The following GMDS variants were observed in gnomAD, a reference collection of about 807,000 sequenced individuals.
GMDS encodes GDP-mannose 4,6 dehydratase.
A neutral mutation model predicts 49.9 loss-of-function variants in GMDS; 20 were observed. That is an observed-to-expected ratio of 0.40 (90% CI 0.28 to 0.58). GMDS has a LOEUF of 0.58. Among genes scored for constraint, GMDS ranks in the 20% least tolerant of loss-of-function variants. GMDS has a pLI of 0.42. For missense variants in GMDS, 362 were observed against 481.4 expected (o/e 0.75, Z 2.32); for synonymous variants, 177 against 178.6 (o/e 0.99, Z 0.07).
intron 4 of GMDS, among the ~76,000 whole-genome samples, chr6:2,103,520 C>T (rs1245680535): frequency 6.6e-6 from 1 of 152,072 alleles, no homozygotes; most frequent in Non-Finnish European, 1.5e-5. Flanking sequence ...TTTTCCTAAA[C>T]AATGTTAGCA....
At chr6:1,825,684 C>CTGTTTT (rs1771076690) in intron 7 of GMDS, among the ~76,000 whole-genome samples, 1 of 152,168 alleles carries the variant, frequency 6.6e-6, no homozygotes, top group Non-Finnish European at 1.5e-5. Context: ...CATTTCGAAA[C>CTGTTTT]AGTTTTACTG....
chr6:2,078,311 A>C (rs185362905), intron 4 of GMDS, among the ~76,000 whole-genome samples: 18 of 151,514 alleles, frequency 1.2e-4, no homozygotes, highest in Admixed American at 1.0e-3. Context: ...CTTTCTCCTA[A>C]TCTTGGATTT....
intron 6 of GMDS, among the ~76,000 whole-genome samples, chr6:1,943,655 T>G (rs997643471): frequency 2.6e-5 from 4 of 152,218 alleles, no homozygotes; most frequent in Admixed American, 1.3e-4. Flanking sequence ...CTGATACATT[T>G]ATTTTTCAAG....
chr6:2,128,310 G>C (rs1036217093), intron 1 of GMDS, among the ~76,000 whole-genome samples: 1 of 151,850 alleles, frequency 6.6e-6, no homozygotes, highest in Non-Finnish European at 1.5e-5. Context: ...GAGTAACTCA[G>C]ATTACAGGTG....
chr6:1,746,107 C>T (rs774563386), intron 7 of GMDS, among the ~76,000 whole-genome samples: 2 of 152,230 alleles, frequency 1.3e-5, no homozygotes, highest in Non-Finnish European at 2.9e-5. Flanking sequence ...TGTTCACATG[C>T]TGGACCACAT....
chr6:1,994,629 G>A (rs1766162372), intron 4 of GMDS, among the ~76,000 whole-genome samples: 2 of 152,004 alleles, frequency 1.3e-5, no homozygotes, highest in South Asian at 4.2e-4. Flanking sequence ...TCTGTTTACT[G>A]CACAATCAGA....
At chr6:1,788,104 A>C (rs920489279) in intron 7 of GMDS, among the ~76,000 whole-genome samples, 2 of 152,162 alleles carry the variant, frequency 1.3e-5, no homozygotes, top group African/African-American at 2.4e-5. Flanking sequence ...CAATGAGGAA[A>C]GGCTTGGCAA....
At chr6:1,863,588 G>C (rs78607956) in intron 7 of GMDS, among the ~76,000 whole-genome samples, 3,356 of 152,154 alleles carry the variant, frequency 0.022, 119 homozygotes, top group African/African-American at 0.077. Context: ...GTGAATAAAA[G>C]AGCAGTAATT....
intron 9 of GMDS, among the ~76,000 whole-genome samples, chr6:1,719,638 A>G (rs1447034645): frequency 6.6e-6 from 1 of 151,336 alleles, no homozygotes; most frequent in Non-Finnish European, 1.5e-5. Context: ...AAAAAAAGAG[A>G]GAGGGATTTT....
intron 9 of GMDS, among the ~76,000 whole-genome samples, chr6:1,715,700 A>T: frequency 6.6e-6 from 1 of 152,252 alleles, no homozygotes; most frequent in East Asian, 1.9e-4. Flanking sequence ...AGGAGCTTCT[A>T]GAAGACTTCA....
chr6:1,779,165 G>A (rs1289750892), intron 7 of GMDS, among the ~76,000 whole-genome samples: 1 of 152,178 alleles, frequency 6.6e-6, no homozygotes, highest in Non-Finnish European at 1.5e-5. Context: ...CCCTCTCAGG[G>A]TCATGCTGGA....
intron 4 of GMDS, among the ~76,000 whole-genome samples, chr6:2,047,418 C>T (rs188874841): frequency 8.5e-5 from 13 of 152,300 alleles, no homozygotes; most frequent in Admixed American, 2.6e-4. Context: ...AAATTTAGTA[C>T]GGAATTCCTC....
intron 7 of GMDS, among the ~76,000 whole-genome samples, chr6:1,747,928 C>T (rs1040898360): frequency 4.0e-5 from 6 of 151,748 alleles, no homozygotes; most frequent in Non-Finnish European, 7.4e-5. Flanking sequence ...TTTAAAGATA[C>T]GACGTTACTG....
intron 4 of GMDS, among the ~76,000 whole-genome samples, chr6:2,098,124 C>T (rs952776473): frequency 9.2e-5 from 14 of 152,190 alleles, no homozygotes; most frequent in African/African-American, 3.1e-4. Context: ...GGCACGATCT[C>T]GGCTCGCTCA....
At chr6:1,770,448 C>G (rs950871355) in intron 7 of GMDS, among the ~76,000 whole-genome samples, 4 of 152,190 alleles carry the variant, frequency 2.6e-5, no homozygotes, top group African/African-American at 9.7e-5. Flanking sequence ...AGAATCTGAC[C>G]GTGGAGCACA....
At chr6:1,682,567 T>TAGAAAGGGAAATCTGGATATTTGGG (rs1196936148) in intron 9 of GMDS, among the ~76,000 whole-genome samples, 3 of 19,308 alleles carry the variant, frequency 1.6e-4, no homozygotes, top group African/African-American at 5.7e-4. Context: ...TTCATTTTTT[T>TAGAAAGGGAAATCTGGATATTTGGG]TTTTTTTTTT....
chr6:1,842,302 G>A (rs1421756574), intron 7 of GMDS, among the ~76,000 whole-genome samples: 1 of 152,202 alleles, frequency 6.6e-6, no homozygotes, highest in Non-Finnish European at 1.5e-5. Context: ...TTGGGTGTTT[G>A]TTCTTGCCCT....
At chr6:1,653,030 C>T (rs1436687988) in intron 9 of GMDS, among the ~76,000 whole-genome samples, 2 of 151,498 alleles carry the variant, frequency 1.3e-5, no homozygotes, top group African/African-American at 2.4e-5. Context: ...ACACCTGGCC[C>T]GCGTGGCTCC....
Position 1,836,029 on chromosome 6 carries a change from G to A in GMDS, c.772-93443C>T, listed in dbSNP as rs988363818. Among the ~76,000 whole-genome samples, 5 of 152,044 alleles carry A rather than the reference G, an allele frequency of 3.3e-5. No individual in the cohort carries two copies. Among genetic ancestry groups the A allele is most frequent in the Non-Finnish European group, 7.4e-5 (5 of 67,984 alleles). ...ACTACAGGTGCCCACCACCACGCCT[G>A]GCTAATTTTTTGGATTTTTAGTAGA... On this transcript the variant is annotated intron_variant, in intron 7 of 10. Coordinates refer to ENST00000380815, the MANE Select transcript of GMDS (RefSeq NM_001500.4). The surrounding 1 kb of genome is among the most constrained non-coding windows in gnomAD (Gnocchi z 4.2).
Sources: allele counts gnomAD v4.1 joint callset (sites outside exome capture counted in the v4.1 genomes callset), GRCh38; gene constraint gnomAD v4.1.1; non-coding constraint Gnocchi (gnomAD v3.1); transcripts MANE v1.5; gene names NCBI Gene and HGNC (gene_info 2026-07-23, HGNC 2026-07-21).